The following TECPR1 variants were observed in gnomAD, a reference collection of about 807,000 sequenced individuals.
The protein encoded by TECPR1 is tectonin beta-propeller repeat containing 1, also known as tectonin beta-propeller repeat-containing protein 1.
TECPR1 carries 122 observed loss-of-function variants against 162.4 expected under a neutral mutation model. The ratio of observed to expected loss-of-function variants is 0.75; its 90% CI spans 0.65 to 0.87. The LOEUF (loss-of-function observed/expected upper bound fraction) is 0.87. TECPR1 is among the 40% of genes least tolerant of loss of function. TECPR1 has a pLI of 0.00. For missense variants in TECPR1, 1,432 were observed against 1,618.2 expected, an observed-to-expected ratio of 0.88 and a Z score of 1.97; for synonymous variants, 642 against 670.6, an observed-to-expected ratio of 0.96 and a Z score of 0.66.
At chr7:98,230,936 C>T (rs758093776) in intron 15 of TECPR1, 25 bp downstream of exon 15, 3 of 1,600,962 alleles carry the variant, frequency 1.9e-6, no homozygotes, top group Non-Finnish European at 2.6e-6. Context: ...GGCCCCAGAC[C>T]CCACCCAGAG....
At position 98,231,028 on chromosome 7, in the gene TECPR1, C is replaced by T. The variant is rs777645927; in HGVS notation, c.2215G>A (p.Asp739Asn). 2.5e-6 allele frequency: 4 copies of T among 1,612,822 alleles called. No homozygotes were observed. Among genetic ancestry groups the T allele is most frequent in the Non-Finnish European group, 3.4e-6 (4 of 1,179,610 alleles). The change falls in exon 15 of 26, where the codon GAC (aspartate) becomes AAC (asparagine). Residue 739 changes from aspartate (D) to asparagine (N), a missense_variant. Transcript: ENST00000447648. ...GGGCTGGGCTCGCTCACGAAGATGT[C>T]CCCCTTGCAGGTGATGGACCAGATG... ...QAIWSITCKG[D>N]IFVSEPSPDL... is the part of the protein sequence containing the mutation.
In TECPR1 at chr7:98,240,882, C is replaced by A; in HGVS notation, c.902G>T (p.Ser301Ile). The change falls in exon 8 of 26, where the codon AGC becomes ATC. Residue 301 changes from serine (S) to isoleucine (I), a missense_variant. Transcript: ENST00000447648. ...GTCCTTGGTGACAGCCCAGACCACGCTGACTCCCACCGAGATGTGCATGAC... is the reference window on the plus strand; with the variant it reads ...GTCCTTGGTGACAGCCCAGACCACGATGACTCCCACCGAGATGTGCATGAC... Reference protein sequence around the residue: ...NGVMHISVGVSVVWAVTKDWK... With the variant: ...NGVMHISVGVIVVWAVTKDWK... The A allele has an allele frequency of 6.3e-7, 1 of 1,589,482 alleles. No homozygotes were observed. Among genetic ancestry groups the A allele is most frequent in the Non-Finnish European group, 8.5e-7 (1 of 1,171,074 alleles).
chr7:98,225,101 C>G lies in TECPR1; in HGVS notation c.2515G>C (p.Gly839Arg), dbSNP rs772491120. 47 of 1,566,232 alleles carry G rather than the reference C, an allele frequency of 3.0e-5. 1 individual carries two copies. In the South Asian group the frequency reaches 5.5e-4, roughly 18 times the overall value. ...CACATGTACCGGTCCGTGGGCAGACCCCTGCGGCAGGACAACAGGGCAGGT... is the reference window on the plus strand; with the variant it reads ...CACATGTACCGGTCCGTGGGCAGACGCCTGCGGCAGGACAACAGGGCAGGT... ...WNPVTGYTSR[G>R]LPTDRYMWSD... Residue 839 changes from glycine (G) to arginine (R), a missense_variant and splice_region_variant, in exon 18 of 26, where the codon GGT (glycine) becomes CGT (arginine). Gly to Arg is a moderately radical substitution (Grantham distance 125). Transcript: ENST00000447648.
At chr7:98,235,681 T>A (rs890720093) in intron 10 of TECPR1, among the ~76,000 whole-genome samples, 2 of 150,896 alleles carry the variant, frequency 1.3e-5, no homozygotes, top group African/African-American at 2.4e-5. Context: ...AATACAAGAA[T>A]TAGCCAGGTG....
intron 23 of TECPR1, among the ~76,000 whole-genome samples, chr7:98,218,677 A>T (rs1187246904): frequency 6.6e-6 from 1 of 152,224 alleles, no homozygotes; most frequent in East Asian, 1.9e-4. Flanking sequence ...AAAGATCTCT[A>T]TAAGGAGAAC....
chr7:98,248,144 C>T (rs1562946763), intron 2 of TECPR1, among the ~76,000 whole-genome samples: 1 of 152,228 alleles, frequency 6.6e-6, no homozygotes, highest in Non-Finnish European at 1.5e-5. Context: ...CAGGGGTGTC[C>T]TTCCTGGAGT....
intron 9 of TECPR1, 28 bp from the exon 10 acceptor site, chr7:98,236,949 A>G (rs1374768144): frequency 1.3e-6 from 2 of 1,506,016 alleles, no homozygotes; most frequent in Non-Finnish European, 1.8e-6. Flanking sequence ...TGTTCCGAGG[A>G]ATCTGGGCGC....
intron 10 of TECPR1, among the ~76,000 whole-genome samples, chr7:98,235,849 A>AAAAAAAAAAAAAAAAAAAAAAAAAACAC: frequency 9.1e-6 from 1 of 110,254 alleles, no homozygotes; most frequent in African/African-American, 3.1e-5. Flanking sequence ...AAAAAAAAAA[A>AAAAAAAAAAAAAAAAAAAAAAAAAACAC]AACACCATCT....
intron 16 of TECPR1, chr7:98,228,430 A>G (rs1798334219): frequency 8.5e-6 from 3 of 351,192 alleles, no homozygotes; most frequent in African/African-American, 4.1e-5. Context: ...GGGAGGCATG[A>G]GGCCCACCCA....
intron 24 of TECPR1, 62 bp downstream of exon 24, chr7:98,217,874 G>A: frequency 6.5e-7 from 1 of 1,544,314 alleles, no homozygotes; most frequent in African/African-American, 1.4e-5. Context: ...GGCATGGGAT[G>A]GGGGAGACCA....
intron 21 of TECPR1, 108 bp downstream of exon 21, chr7:98,222,882 G>T: frequency 7.1e-7 from 1 of 1,410,168 alleles, no homozygotes; most frequent in Non-Finnish European, 9.8e-7. Context: ...CGGACCACAG[G>T]CAGTGTCCAC....
In TECPR1 at chr7:98,216,068, C is replaced by T. The variant is rs1797999755; in HGVS notation, c.*1322G>A. 1 of 152,298 alleles carries T rather than the reference C, an allele frequency of 6.6e-6. No homozygotes were observed. Among genetic ancestry groups the T allele is most frequent in the Admixed American group, 6.5e-5 (1 of 15,292 alleles). The allele number at this position is 152,298 out of a possible 1,614,324, so 9.4% of individuals were successfully genotyped here. A position where few individuals can be genotyped will look rare whatever the true frequency, so the allele number is the denominator to read the frequency against. On this transcript the variant is annotated 3_prime_UTR_variant, in exon 26 of 26. Transcript: ENST00000447648. ...GAGCCTGGGGTTGGGCTCTGATGAC[C>T]TCCCGGGCAAAGTGTCCAGGTGGAG...
At chr7:98,230,006 T>TC (rs1030953124) in intron 15 of TECPR1, among the ~76,000 whole-genome samples, 3 of 150,302 alleles carry the variant, frequency 2.0e-5, no homozygotes, top group African/African-American at 7.4e-5. Context: ...TTTTTTTTTT[T>TC]CTGAGACAGG....
chr7:98,240,127 A>C (rs932725317), intron 8 of TECPR1, among the ~76,000 whole-genome samples: 4 of 152,002 alleles, frequency 2.6e-5, no homozygotes, highest in Non-Finnish European at 5.9e-5. Context: ...CAAACAAAAG[A>C]AAAACCCTGT....
rs113469464 is a variant in TECPR1 at position 98,222,408 on chromosome 7, G to A, written c.3042C>T (p.Ser1014=). ...ARDGSAFYRG[S]VYPSQPAGDC... ...CACCGGCTGGCTGCGAGGGGTACACGGATCCCCGGTAGAAGGCGGAGCCGT... is the reference window on the plus strand; with the variant it reads ...CACCGGCTGGCTGCGAGGGGTACACAGATCCCCGGTAGAAGGCGGAGCCGT... Residue 1014 remains serine, a synonymous_variant, in exon 22 of 26, where the codon TCC becomes TCT. Transcript: ENST00000447648. The A allele has an allele frequency of 2.6e-4, 408 of 1,599,812 alleles. 3 individuals are homozygous for A. In the African/African-American group the frequency reaches 4.4e-3, roughly 17 times the overall value.
chr7:98,222,632 G>T, intron 21 of TECPR1, 111 bp from the exon 22 acceptor site: 2 of 1,318,728 alleles, frequency 1.5e-6, no homozygotes, highest in Non-Finnish European at 2.0e-6. Context: ...GGTGGCTGGG[G>T]GACAGCCGGG....
chr7:98,236,692 T>TG, intron 10 of TECPR1, 84 bp downstream of exon 10: 1 of 1,516,566 alleles, frequency 6.6e-7, no homozygotes, highest in Non-Finnish European at 8.8e-7. Flanking sequence ...GTGGGGCAGG[T>TG]GGCAGCCTCT....
chr7:98,240,423 T>C (rs912673024), intron 8 of TECPR1, among the ~76,000 whole-genome samples: 1 of 152,068 alleles, frequency 6.6e-6, no homozygotes, highest in African/African-American at 2.4e-5. Flanking sequence ...TTTGTTCTAA[T>C]GGGTTTTTCT....
At position 98,222,502 on chromosome 7, in the gene TECPR1, A is replaced by G; in HGVS notation, c.2948T>C (p.Val983Ala). Residue 983 changes from valine (V) to alanine (A), a missense_variant, in exon 22 of 26, where the codon GTT (valine) becomes GCT (alanine). Val to Ala is a moderately conservative substitution (Grantham distance 64). Coordinates refer to ENST00000447648, the MANE Select transcript of TECPR1 (RefSeq NM_015395.3). ...GGAGGCGAAGGGCTGGTCGGTGCCA[A>G]CGTGCAGCCAGGAGGAGCCCTGGGG... ...LNPAGSSWLH[V>A]GTDQPFASIS... 3 of 1,586,986 alleles carry G rather than the reference A, an allele frequency of 1.9e-6. No homozygotes were observed. The highest frequency in any genetic ancestry group is 2.6e-6 in the Non-Finnish European group (3 of 1,168,140).
Sources: gnomAD v4.1 joint callset for allele counts (sites outside exome capture counted in the v4.1 genomes callset) on GRCh38, gnomAD v4.1.1 for gene constraint, MANE v1.5 for transcripts, NCBI Gene and HGNC (gene_info 2026-07-23, HGNC 2026-07-21) for gene names.